FYTTD1: variants seen among roughly 807,000 people sequenced by gnomAD.
FYTTD1 encodes UAP56-interacting factor.
A neutral mutation model predicts 40.9 loss-of-function variants in FYTTD1; 22 were observed. That is an observed-to-expected ratio of 0.54 (90% confidence interval 0.38 to 0.77). The LOEUF (loss-of-function observed/expected upper bound fraction) is 0.77, where lower values mean the gene tolerates loss of function less well. Ranked by LOEUF, FYTTD1 falls within the 30% of genes least tolerant of loss-of-function variation. FYTTD1 has a pLI of 0.00. For synonymous variants in FYTTD1, 140 were observed against 137.9 expected (o/e 1.01, Z -0.10); for missense variants, 351 against 392.2 (o/e 0.90, Z 0.89).
At chr3:197,751,451 G>A (rs1183589783) in intron 1 of FYTTD1, among the ~76,000 whole-genome samples, 1 of 152,270 alleles carries the variant, frequency 6.6e-6, no homozygotes, top group East Asian at 1.9e-4. Flanking sequence ...TTCGAGACCA[G>A]CCCGGGCAGC....
chr3:197,752,251 A>C (rs1304908089), intron 1 of FYTTD1, among the ~76,000 whole-genome samples: 1 of 152,234 alleles, frequency 6.6e-6, no homozygotes, highest in Non-Finnish European at 1.5e-5. Flanking sequence ...ATCCAGATCC[A>C]CACTGTCTCC....
intron 6 of FYTTD1, among the ~76,000 whole-genome samples, chr3:197,774,665 C>T (rs536723235): frequency 4.2e-4 from 60 of 141,454 alleles, no homozygotes; most frequent in African/African-American, 1.4e-3. Flanking sequence ...ATAGCTCGAT[C>T]GCCAGTGCAT....
At chr3:197,774,327 T>C in intron 6 of FYTTD1, 117 bp downstream of exon 6, 1 of 863,486 alleles carries the variant, frequency 1.2e-6, no homozygotes, top group Non-Finnish European at 1.9e-6. Context: ...TAAAATTCAG[T>C]CTGAAAGCTG....
intron 6 of FYTTD1, among the ~76,000 whole-genome samples, chr3:197,774,576 G>A (rs576298045): frequency 9.7e-4 from 147 of 151,614 alleles, no homozygotes; most frequent in Non-Finnish European, 1.7e-3. Context: ...ACACCATCCT[G>A]AGCAGCATAG....
At chr3:197,766,469 GGGTCTT>G (rs1369096058) in intron 2 of FYTTD1, among the ~76,000 whole-genome samples, 1 of 151,146 alleles carries the variant, frequency 6.6e-6, no homozygotes, top group Non-Finnish European at 1.5e-5. Context: ...GTTTGAGACA[GGGTCTT>G]GCTCTGTCAC....
chr3:197,775,952 A>G (rs1330657620), intron 6 of FYTTD1, among the ~76,000 whole-genome samples: 5 of 152,206 alleles, frequency 3.3e-5, no homozygotes, highest in African/African-American at 1.2e-4. Flanking sequence ...GACTAATGTG[A>G]ATATAAAGGA....
rs374633129 is a variant in FYTTD1 at position 197,779,561 on chromosome 3, C to T, written c.858+1097C>T. On this transcript the variant is annotated intron_variant, in intron 8 of 8. Coordinates refer to ENST00000241502, the MANE Select transcript of FYTTD1 (RefSeq NM_032288.7). ...TTTTTTTTTTTTTGTGAAACAGTCT[C>T]ACTCTGTCACCAGGACTGGAATGCA... Among the ~76,000 whole-genome samples, 6 of 120,974 alleles carry T rather than the reference C, an allele frequency of 5.0e-5. No individual in the cohort carries two copies. The East Asian group carries it at 1.6e-3, about 33-fold the overall frequency. 79.4% of individuals were successfully genotyped at this position (120,974 alleles called of 152,430 possible).
intron 2 of FYTTD1, among the ~76,000 whole-genome samples, chr3:197,759,558 A>G (rs1192643836): frequency 2.0e-5 from 3 of 151,652 alleles, no homozygotes; most frequent in Admixed American, 2.0e-4. Flanking sequence ...CAGTGGTAGA[A>G]CGTATAGAGT....
intron 7 of FYTTD1, among the ~76,000 whole-genome samples, chr3:197,778,128 G>C (rs1481708794): frequency 6.6e-6 from 1 of 152,168 alleles, no homozygotes; most frequent in Non-Finnish European, 1.5e-5. Context: ...ATTCCAACTT[G>C]TTGAAAAGTT....
chr3:197,761,426 TTCC>T (rs1729385385), intron 2 of FYTTD1, among the ~76,000 whole-genome samples: 1 of 152,138 alleles, frequency 6.6e-6, no homozygotes. Flanking sequence ...TATAGAGTTG[TTCC>T]TCAGTGGTAG....
chr3:197,778,416 TCCTAAAGGTGTTCCCCTGCAG>T lies in FYTTD1; in HGVS notation c.811_831del (p.Pro271_Gln277del). ...GGGAGCAAAGTGACGTCAAGAAAGT[TCCTAAAGGTGTTCCCCTGCAG>T]TTTGACATAAACAGTGTCGGAAAAC... On this transcript the variant is annotated inframe_deletion, in exon 8 of 9. Coordinates refer to ENST00000241502, the MANE Select transcript of FYTTD1 (RefSeq NM_032288.7). 1 of 1,611,104 alleles carries T rather than the reference TCCTAAAGGTGTTCCCCTGCAG, an allele frequency of 6.2e-7. No individual in the cohort carries two copies. The highest frequency in any genetic ancestry group is 2.2e-5 in the East Asian group (1 of 44,848).
At chr3:197,770,034 G>A (rs903060902) in intron 3 of FYTTD1, 98 bp from the exon 4 acceptor site, 3 of 714,958 alleles carry the variant, frequency 4.2e-6, no homozygotes, top group African/African-American at 3.6e-5. Context: ...CATTCAAGCA[G>A]TTGTCAATCC....
intron 3 of FYTTD1, among the ~76,000 whole-genome samples, chr3:197,768,899 T>C (rs2109047191): frequency 6.6e-6 from 1 of 151,708 alleles, no homozygotes; most frequent in South Asian, 2.1e-4. Flanking sequence ...TTCAAGCAGT[T>C]CTCCTGCCTC....
chr3:197,754,600 C>G (rs1015187980), intron 1 of FYTTD1, among the ~76,000 whole-genome samples: 1 of 147,958 alleles, frequency 6.8e-6, no homozygotes, highest in South Asian at 2.1e-4. Flanking sequence ...TATTTGCTTT[C>G]TCAATTATGA....
chr3:197,750,834 G>A (rs941334542), intron 1 of FYTTD1: 25 of 985,358 alleles, frequency 2.5e-5, no homozygotes, highest in Middle Eastern at 5.2e-4. Flanking sequence ...TAAAGCGTGG[G>A]GTTCTTGAGC....
intron 1 of FYTTD1, among the ~76,000 whole-genome samples, chr3:197,751,544 A>C (rs1325552851): frequency 1.3e-5 from 2 of 152,060 alleles, no homozygotes; most frequent in African/African-American, 4.8e-5. Flanking sequence ...CTAAGACATG[A>C]GAATAGCTGG....
At chr3:197,767,230 C>G (rs1456202079) in intron 2 of FYTTD1, among the ~76,000 whole-genome samples, 5 of 152,108 alleles carry the variant, frequency 3.3e-5, no homozygotes, top group Non-Finnish European at 7.4e-5. Flanking sequence ...AGCTCCGCCT[C>G]CCAGTTCACG....
intron 1 of FYTTD1, among the ~76,000 whole-genome samples, chr3:197,751,308 T>C (rs942863016): frequency 6.6e-6 from 1 of 152,204 alleles, no homozygotes; most frequent in Admixed American, 6.5e-5. Context: ...TGGCCTCAAG[T>C]CTTGCCTTGC....
At chr3:197,777,459 G>T (rs1336971647) in intron 7 of FYTTD1, among the ~76,000 whole-genome samples, 1 of 151,956 alleles carries the variant, frequency 6.6e-6, no homozygotes, top group Non-Finnish European at 1.5e-5. Context: ...GACTGGTCTT[G>T]AACTCCTAGA....
Sources: gnomAD v4.1 joint callset for allele counts (sites outside exome capture counted in the v4.1 genomes callset) on GRCh38, gnomAD v4.1.1 for gene constraint, MANE v1.5 for transcripts, NCBI Gene and HGNC (gene_info 2026-07-23, HGNC 2026-07-21) for gene names.